The following ADAMTS17 variants were observed in gnomAD, a reference collection of about 807,000 sequenced individuals.
The protein encoded by ADAMTS17 is A disintegrin and metalloproteinase with thrombospondin motifs 17.
ADAMTS17 carries 113 observed loss-of-function variants against 141.5 expected under a neutral mutation model. That is an observed-to-expected ratio of 0.80 (90% CI 0.69 to 0.93). The LOEUF (loss-of-function observed/expected upper bound fraction) is 0.93. Among genes scored for constraint, ADAMTS17 ranks in the 40% least tolerant of loss-of-function variants. ADAMTS17 has a pLI of 0.00. For missense variants in ADAMTS17, 1,659 were observed against 1,517.9 expected (o/e 1.09, Z -1.54); for synonymous variants, 768 against 630.6 (o/e 1.22, Z -3.27).
intron 15 of ADAMTS17, among the ~76,000 whole-genome samples, chr15:100,069,767 T>C (rs1247141883): frequency 3.3e-5 from 5 of 149,796 alleles, no homozygotes; most frequent in Non-Finnish European, 7.4e-5. Flanking sequence ...AAGGAACAAC[T>C]GGTAACAGCC....
At chr15:100,082,760 G>A (rs951989369) in intron 15 of ADAMTS17, among the ~76,000 whole-genome samples, 4 of 114,700 alleles carry the variant, frequency 3.5e-5, no homozygotes, top group African/African-American at 6.5e-5. Flanking sequence ...ACTTTTTCTC[G>A]TTAGTCTTTT....
chr15:100,064,415 T>C (rs918220803), intron 15 of ADAMTS17, among the ~76,000 whole-genome samples: 1 of 152,144 alleles, frequency 6.6e-6, no homozygotes, highest in Non-Finnish European at 1.5e-5. Flanking sequence ...CAAAAGAATA[T>C]AGCCTGGTAT....
chr15:100,173,606 G>A (rs1596185580), intron 8 of ADAMTS17, among the ~76,000 whole-genome samples: 1 of 152,156 alleles, frequency 6.6e-6, no homozygotes, highest in East Asian at 1.9e-4. Context: ...CTGAACTTTG[G>A]AATAAAAAGT....
At chr15:100,279,667 G>C (rs11630162) in intron 4 of ADAMTS17, among the ~76,000 whole-genome samples, 52,413 of 152,100 alleles carry the variant, frequency 0.34, 9,350 homozygotes, top group South Asian at 0.47. Flanking sequence ...TTATGGCTGG[G>C]CAGGAGTCTG....
intron 13 of ADAMTS17, among the ~76,000 whole-genome samples, chr15:100,114,162 T>C (rs867867762): frequency 0.14 from 21,528 of 150,246 alleles, 1,784 homozygotes; most frequent in Admixed American, 0.2. Context: ...TTTCTTCTTT[T>C]TTTTTTTTTT....
At chr15:99,987,339 G>A (rs116395005) in intron 20 of ADAMTS17, among the ~76,000 whole-genome samples, 2,241 of 151,766 alleles carry the variant, frequency 0.015, 54 homozygotes, top group African/African-American at 0.051. Context: ...CTGCTGCTGC[G>A]GTGTTTGCCT....
At chr15:100,166,450 T>C (rs1378572677) in intron 8 of ADAMTS17, among the ~76,000 whole-genome samples, 1 of 152,222 alleles carries the variant, frequency 6.6e-6, no homozygotes, top group Non-Finnish European at 1.5e-5. Flanking sequence ...ATGGGCACCT[T>C]TGCCCTGTTC....
In ADAMTS17 at chr15:100,010,497, T is replaced by C. The variant is rs112809887; in HGVS notation, c.2592-12908A>G. On this transcript the variant is annotated intron_variant, in intron 18 of 21. Transcript: ENST00000268070. ...TCCCAGTGCACCTGCAACACTGTTC[T>C]CCACGTGTGCTGCGAGCCTATGGGT... Among the ~76,000 whole-genome samples, 1,107 of 152,308 alleles carry C rather than the reference T, an allele frequency of 7.3e-3. 13 individuals carry two copies. The highest frequency in any genetic ancestry group is 0.026 in the African/African-American group (1,063 of 41,566).
At chr15:100,127,411 C>T (rs960536074) in intron 12 of ADAMTS17, among the ~76,000 whole-genome samples, 15 of 152,056 alleles carry the variant, frequency 9.9e-5, no homozygotes, top group African/African-American at 3.4e-4. Context: ...CAAGGGTTGC[C>T]GGGAGCCACG....
intron 4 of ADAMTS17, among the ~76,000 whole-genome samples, chr15:100,268,297 C>T (rs116754223): frequency 0.07 from 10,727 of 152,158 alleles, 402 homozygotes; most frequent in Non-Finnish European, 0.086. Flanking sequence ...ATGATCTATA[C>T]GCCTTTGGGT....
chr15:100,006,270 T>C lies in ADAMTS17; in HGVS notation c.2592-8681A>G, dbSNP rs187465972. ...ACACAGGAGGCCACATATTCTCAGG[T>C]TCTACGGATTAGAATGTGGACACCT... On this transcript the variant is annotated intron_variant, in intron 18 of 21. Transcript: ENST00000268070. 1.2e-3 allele frequency among the ~76,000 whole-genome samples: 181 copies of C among 152,270 alleles called. 1 individual carries two copies. The highest frequency in any genetic ancestry group is 3.9e-3 in the African/African-American group (164 of 41,542).
At chr15:100,093,488 C>G (rs2035587449) in intron 15 of ADAMTS17, among the ~76,000 whole-genome samples, 1 of 152,146 alleles carries the variant, frequency 6.6e-6, no homozygotes, top group Non-Finnish European at 1.5e-5. Context: ...AACTGATAGG[C>G]CTGGTGAATC....
intron 20 of ADAMTS17, among the ~76,000 whole-genome samples, chr15:99,991,144 T>C (rs1447126792): frequency 6.6e-6 from 1 of 152,088 alleles, no homozygotes; most frequent in African/African-American, 2.4e-5. Context: ...CCAAAAGCAA[T>C]GGCAGCAAAA....
At position 100,165,174 on chromosome 15, in the gene ADAMTS17, C is replaced by G. The variant is rs181155121; in HGVS notation, c.1182-9854G>C. On this transcript the variant is annotated intron_variant, in intron 8 of 21. Transcript: ENST00000268070. The stretch of plus-strand genomic sequence containing the variant: ...CTGGTCCTAATAGATTCCATGGGCT[C>G]ACCAGCTCCTGCCACTCTGATCTTG... Among the ~76,000 whole-genome samples the G allele has an allele frequency of 1.6e-3, 240 of 152,324 alleles. 3 individuals are homozygous for G. The highest frequency in any genetic ancestry group is 5.6e-3 in the African/African-American group (233 of 41,566).
chr15:100,213,321 A>G (rs146554757), intron 7 of ADAMTS17, among the ~76,000 whole-genome samples: 294 of 152,314 alleles, frequency 1.9e-3, no homozygotes, highest in African/African-American at 6.8e-3. Context: ...TTTTGGGTTG[A>G]TAAGAGGAAA....
chr15:100,085,647 C>G (rs1596381645), intron 15 of ADAMTS17, among the ~76,000 whole-genome samples: 1 of 151,960 alleles, frequency 6.6e-6, no homozygotes, highest in East Asian at 1.9e-4. Context: ...GAGCTGATCT[C>G]TCGGCAGAAA....
intron 14 of ADAMTS17, among the ~76,000 whole-genome samples, chr15:100,108,667 T>C (rs1201962925): frequency 6.6e-6 from 1 of 152,228 alleles, no homozygotes; most frequent in African/African-American, 2.4e-5. Context: ...GCCTGGCTTG[T>C]GCAGACATCC....
chr15:100,228,923 C>CGGTCCTG (rs1354284482), intron 7 of ADAMTS17, among the ~76,000 whole-genome samples: 1 of 152,190 alleles, frequency 6.6e-6, no homozygotes, highest in Non-Finnish European at 1.5e-5. Context: ...CATTGCCCTG[C>CGGTCCTG]GGTCCTGTCT....
chr15:100,036,067 G>A (rs114359198), intron 18 of ADAMTS17, among the ~76,000 whole-genome samples: 1,559 of 152,280 alleles, frequency 0.01, 28 homozygotes, highest in African/African-American at 0.035. Context: ...TGTGATGCTC[G>A]GGATGGCTTT....
Sources: gnomAD v4.1 joint callset for allele counts (sites outside exome capture counted in the v4.1 genomes callset) on GRCh38, gnomAD v4.1.1 for gene constraint, MANE v1.5 for transcripts, NCBI Gene and HGNC (gene_info 2026-07-23, HGNC 2026-07-21) for gene names.